Variants in C7 observed in about 807,000 individuals in gnomAD.
The protein encoded by C7 is complement component C7.
Under a neutral mutation model 104.8 loss-of-function variants are expected in C7, and 83 were observed. The ratio of observed to expected loss-of-function variants is 0.79; its 90% CI spans 0.66 to 0.95. The LOEUF (loss-of-function observed/expected upper bound fraction) is 0.95, where lower values mean the gene tolerates loss of function less well. Ranked by LOEUF, C7 falls within the 40% of genes least tolerant of loss-of-function variation. The probability of loss-of-function intolerance (pLI) is 0.00; values close to 1 mark genes in which losing one functional copy is unlikely to be tolerated. For missense variants in C7, 1,070 were observed against 1,011.2 expected, an observed-to-expected ratio of 1.06 and a Z score of -0.79; for synonymous variants, 415 against 360.6, an observed-to-expected ratio of 1.15 and a Z score of -1.71.
intron 12 of C7, 21 bp downstream of exon 12, chr5:40,959,641 T>A: frequency 1.3e-6 from 2 of 1,553,298 alleles, no homozygotes; most frequent in Non-Finnish European, 1.7e-6. Context: ...CCCGACCCCC[T>A]GGCAGTTGCA....
At chr5:40,934,146 G>A (rs987474369) in intron 3 of C7, among the ~76,000 whole-genome samples, 179 bp from the exon 4 acceptor site, 8 of 151,856 alleles carry the variant, frequency 5.3e-5, no homozygotes, top group Non-Finnish European at 1.0e-4. Context: ...GGACAAATAG[G>A]TCTGTGAATT....
chr5:40,960,443 A>G (rs537715739), intron 12 of C7, among the ~76,000 whole-genome samples: 2 of 152,306 alleles, frequency 1.3e-5, no homozygotes, highest in East Asian at 3.9e-4. Flanking sequence ...GTAATCTGGC[A>G]TTAATCAGTA....
chr5:40,953,835 A>G (rs116499007), intron 9 of C7, among the ~76,000 whole-genome samples: 1,605 of 152,328 alleles, frequency 0.011, 34 homozygotes, highest in African/African-American at 0.037. Context: ...GCATGTATCA[A>G]AATATCACAT....
In C7 at chr5:40,959,567, T is replaced by C; in HGVS notation, c.1608T>C (p.Val536=). ...CCAGTGGGGGTGGGAGATCCTGCGTTGGAGAAACGACAGAAAGCACACAAT... is the reference window on the plus strand; with the variant it reads ...CCAGTGGGGGTGGGAGATCCTGCGTCGGAGAAACGACAGAAAGCACACAAT... ...PPPSGGGRSC[V]GETTESTQCE... The change falls in exon 12 of 18, where the codon GTT becomes GTC. Residue 536 remains valine, a synonymous_variant. Transcript: ENST00000313164. 1 of 1,609,682 alleles carries C rather than the reference T, an allele frequency of 6.2e-7. No homozygotes were observed. The highest frequency in any genetic ancestry group is 8.5e-7 in the Non-Finnish European group (1 of 1,178,652).
At chr5:40,937,801 A>G in intron 6 of C7, 111 bp downstream of exon 6, 1 of 880,736 alleles carries the variant, frequency 1.1e-6, no homozygotes, top group Non-Finnish European at 1.7e-6. Context: ...ATGTGTGGTC[A>G]ATTTTTATAA....
Position 40,962,102 on chromosome 5 carries a change from G to T in C7, c.1679G>T (p.Cys560Phe). The change falls in exon 13 of 18, where the codon TGC becomes TTC. Residue 560 changes from cysteine (C) to phenylalanine (F), a missense_variant. Coordinates refer to ENST00000313164, the MANE Select transcript of C7 (RefSeq NM_000587.4). ...LEHLRLLEPH[C>F]FPLSLVPTEF... is the part of the protein sequence containing the mutation. The stretch of plus-strand genomic sequence containing the variant: ...CCTTCCAGGTTGCTTGAACCACATT[G>T]CTTTCCTTTGTCTTTGGTTCCAACA... 1 of 1,549,690 alleles carries T rather than the reference G, an allele frequency of 6.5e-7. No homozygotes were observed. The highest frequency in any genetic ancestry group is 8.8e-7 in the Non-Finnish European group (1 of 1,140,704).
chr5:40,948,991 A>T (rs73750213), intron 8 of C7, among the ~76,000 whole-genome samples: 2,598 of 152,200 alleles, frequency 0.017, 77 homozygotes, highest in African/African-American at 0.059. Flanking sequence ...ATAGGTTAGA[A>T]ATGAGTGCAC....
At chr5:40,956,682 G>A (rs2111658759) in intron 10 of C7, among the ~76,000 whole-genome samples, 1 of 152,362 alleles carries the variant, frequency 6.6e-6, no homozygotes, top group South Asian at 2.1e-4. Context: ...TCCAGGCAAA[G>A]CCTGATTTTC....
At position 40,965,648 on chromosome 5, in the gene C7, A is replaced by ATATATATATATATAT. The variant is rs35802990; in HGVS notation, c.1882+776_1882+777insATATATATATATATT. ...TAGTGATATATATATATATATATAT[A>ATATATATATATATAT]TTTTTTTTTTGGAGACAGAGTCTCA... is the stretch of plus-strand genomic sequence containing the variant. On this transcript the variant is annotated intron_variant, in intron 14 of 17. Transcript: ENST00000313164. Among the ~76,000 whole-genome samples, 38 of 130,302 alleles carry ATATATATATATATAT rather than the reference A, an allele frequency of 2.9e-4. No individual in the cohort carries two copies. In the South Asian group the frequency reaches 3.0e-3, roughly 10 times the overall value. 85.5% of individuals were successfully genotyped at this position (130,302 alleles called of 152,430 possible).
chr5:40,968,568 TTATATA>T (rs1240185830), intron 14 of C7, among the ~76,000 whole-genome samples: 8 of 63,708 alleles, frequency 1.3e-4, no homozygotes, highest in African/African-American at 2.6e-4. Flanking sequence ...TATATATATT[TTATATA>T]TATATATATA....
At chr5:40,949,878 T>C (rs750648841) in intron 8 of C7, 26 bp from the exon 9 acceptor site, 2 of 1,371,392 alleles carry the variant, frequency 1.5e-6, no homozygotes, top group Non-Finnish European at 1.0e-6. Flanking sequence ...AAATTAAACA[T>C]GTCTCTTTTA....
chr5:40,935,980 C>A (rs946545351), intron 4 of C7, among the ~76,000 whole-genome samples: 1 of 152,096 alleles, frequency 6.6e-6, no homozygotes, highest in African/African-American at 2.4e-5. Flanking sequence ...ACTTTGTCAT[C>A]TTAGAATGAC....
intron 1 of C7, among the ~76,000 whole-genome samples, chr5:40,917,978 T>C (rs974325636): frequency 2.0e-5 from 3 of 152,150 alleles, no homozygotes; most frequent in Non-Finnish European, 2.9e-5. Flanking sequence ...CAAAGTTAAG[T>C]TGTAATCACC....
intron 6 of C7, among the ~76,000 whole-genome samples, chr5:40,944,351 A>G (rs1165282749): frequency 6.6e-6 from 1 of 152,212 alleles, no homozygotes; most frequent in Non-Finnish European, 1.5e-5. Context: ...GAAGAGTCAA[A>G]TTTATCCCTT....
rs910399830 is a variant in C7, at chr5:40,909,536, C to T, written c.-75C>T. 3 of 1,227,430 alleles carry T rather than the reference C, an allele frequency of 2.4e-6. No individual in the cohort carries two copies. Among genetic ancestry groups the T allele is most frequent in the Non-Finnish European group, 3.5e-6 (3 of 858,058 alleles). 76.0% of individuals were successfully genotyped at this position (1,227,430 alleles called of 1,614,324 possible). A position where few individuals can be genotyped will look rare whatever the true frequency, so the allele number is the denominator to read the frequency against. ...AGGCAGGCAGCCTGCTGGGCTCTTC[C>T]TGCTGTTGAAAACTTACCCGGCCCT... On this transcript the variant is annotated 5_prime_UTR_variant, in exon 1 of 18. Transcript: ENST00000313164.
chr5:40,945,285 A>T lies in C7; in HGVS notation c.655A>T (p.Ser219Cys), dbSNP rs1740022166. The T allele has an allele frequency of 3.1e-6, 5 of 1,605,068 alleles. No individual in the cohort carries two copies. Among genetic ancestry groups the T allele is most frequent in the African/African-American group, 1.3e-5 (1 of 74,816 alleles). Residue 219 changes from serine to cysteine, a missense_variant, in exon 7 of 18, where the codon AGT becomes TGT. Coordinates refer to ENST00000313164, the MANE Select transcript of C7 (RefSeq NM_000587.4). Reference protein sequence around the residue: ...KHTSTEHTSSSRKRSFFRSSS... With the variant: ...KHTSTEHTSSCRKRSFFRSSS... Reference sequence around the variant, plus strand: ...TACGTCGACAGAACACACATCATCTAGTCGGAAGCGCTCCTTTTTTAGATC... The same window carrying T: ...TACGTCGACAGAACACACATCATCTTGTCGGAAGCGCTCCTTTTTTAGATC...
chr5:40,915,078 G>A (rs887499520), intron 1 of C7, among the ~76,000 whole-genome samples: 1 of 152,192 alleles, frequency 6.6e-6, no homozygotes, highest in African/African-American at 2.4e-5. Flanking sequence ...AGAATCGAAA[G>A]TGATTAACAA....
intron 1 of C7, among the ~76,000 whole-genome samples, chr5:40,915,677 C>A (rs1281132422): frequency 6.6e-6 from 1 of 152,124 alleles, no homozygotes; most frequent in Non-Finnish European, 1.5e-5. Context: ...TTCATAGTCT[C>A]CCCCAAATAA....
At chr5:40,927,257 G>C (rs892490910) in intron 1 of C7, among the ~76,000 whole-genome samples, 2 of 151,906 alleles carry the variant, frequency 1.3e-5, no homozygotes, top group African/African-American at 4.8e-5. Context: ...CTCAGAATGG[G>C]ATGAAGCCTT....
Sources: allele counts gnomAD v4.1 joint callset (sites outside exome capture counted in the v4.1 genomes callset), GRCh38; gene constraint gnomAD v4.1.1; transcripts MANE v1.5; gene names NCBI Gene and HGNC (gene_info 2026-07-23, HGNC 2026-07-21).